ARHGEF10: variants seen among roughly 807,000 people sequenced by gnomAD.
The protein encoded by ARHGEF10 is Rho guanine nucleotide exchange factor 10.
ARHGEF10 carries 140 observed loss-of-function variants against 147.4 expected under a neutral mutation model. That is an observed-to-expected ratio of 0.95 (90% CI 0.83 to 1.09). ARHGEF10 has a LOEUF of 1.09. ARHGEF10 is among the 50% of genes least tolerant of loss of function. ARHGEF10 has a pLI of 0.00. For missense variants in ARHGEF10, 2,222 were observed against 1,752.7 expected (o/e 1.27, Z -4.78); for synonymous variants, 902 against 695.8 (o/e 1.30, Z -4.67).
Position 1,933,939 on chromosome 8 carries a change from A to G in ARHGEF10, c.3219A>G (p.Val1073=), listed in dbSNP as rs61758705. ...VFIISVETHA[V]EGQLEAHQEE... ...TCATCAGTGTGGAGACTCATGCTGT[A>G]GAGGTAAGTCACTTAGGTGGCTACA... is the stretch of plus-strand genomic sequence containing the variant. The change falls in exon 26 of 29, where the codon GTA becomes GTG. Residue 1073 remains valine, a synonymous_variant. Coordinates refer to ENST00000349830, the MANE Select transcript of ARHGEF10 (RefSeq NM_014629.4). 6.2e-5 allele frequency: 100 copies of G among 1,614,178 alleles called. 1 individual carries two copies. The South Asian group carries it at 1.1e-3, about 17-fold the overall frequency.
At chr8:1,887,702 T>G in intron 11 of ARHGEF10, among the ~76,000 whole-genome samples, 1 of 148,582 alleles carries the variant, frequency 6.7e-6, no homozygotes. Flanking sequence ...AGACAGTGAG[T>G]GGGATGAGGG....
At chr8:1,829,134 G>T (rs1356876583) in intron 1 of ARHGEF10, among the ~76,000 whole-genome samples, 1 of 152,270 alleles carries the variant, frequency 6.6e-6, no homozygotes, top group Non-Finnish European at 1.5e-5. Context: ...CGCCTGCACA[G>T]TTGCACTCAT....
In ARHGEF10 at chr8:1,957,145, C is replaced by T. The variant is rs375455536; in HGVS notation, c.3917C>T (p.Ala1306Val). The T allele has an allele frequency of 6.1e-5, 98 of 1,612,642 alleles. 1 individual carries two copies. Among genetic ancestry groups the T allele is most frequent in the African/African-American group, 9.3e-5 (7 of 74,942 alleles). Residue 1306 changes from alanine to valine, a missense_variant, in exon 29 of 29, where the codon GCG becomes GTG. By Grantham distance (64) the Ala-to-Val change is moderately conservative. Coordinates refer to ENST00000349830, the MANE Select transcript of ARHGEF10 (RefSeq NM_014629.4). Reference protein sequence around the residue: ...RRAKKAKASSALVVCGGQGHR... With the variant: ...RRAKKAKASSVLVVCGGQGHR... ...GCCAAGAAAGCCAAGGCCAGCTCGG[C>T]GCTGGTGGTCTGTGGAGGGCAGGGC... is the stretch of plus-strand genomic sequence containing the variant.
At chr8:1,857,650 C>G (rs1202641912) in intron 2 of ARHGEF10, among the ~76,000 whole-genome samples, 1 of 151,992 alleles carries the variant, frequency 6.6e-6, no homozygotes, top group African/African-American at 2.4e-5. Flanking sequence ...AAGCTTCTTA[C>G]CTTGTGATCT....
chr8:1,888,103 T>TTGAGGAGACACTTAGTGGGGCGAGGGTTC lies in ARHGEF10; in HGVS notation c.1182+2416_1182+2417insCGAGGGTTCTGAGGAGACACTTAGTGGGG, dbSNP rs1563233285. ...GGAGACACTAGGTAGGGTGAATGTT[T>TTGAGGAGACACTTAGTGGGGCGAGGGTTC]TGAGGAGACACTTAGTGGGGTGAGG... On this transcript the variant is annotated intron_variant, in intron 11 of 28. Transcript: ENST00000349830. Among the ~76,000 whole-genome samples, 21 of 106,508 alleles carry TTGAGGAGACACTTAGTGGGGCGAGGGTTC rather than the reference T, an allele frequency of 2.0e-4. 2 individuals carry two copies. The highest frequency in any genetic ancestry group is 7.7e-4 in the African/African-American group (18 of 23,296). 69.9% of individuals were successfully genotyped at this position (106,508 alleles called of 152,430 possible). A position where few individuals can be genotyped will look rare whatever the true frequency, so the allele number is the denominator to read the frequency against.
intron 1 of ARHGEF10, among the ~76,000 whole-genome samples, chr8:1,831,198 ATGGAGGGACAGTGTGTGGCAGCCG>A (rs1201100825): frequency 2.0e-5 from 3 of 151,910 alleles, no homozygotes; most frequent in Admixed American, 6.6e-5. Flanking sequence ...ATGGACATCC[ATGGAGGGACAGTGTGTGGCAGCCG>A]TGGAGGGACA....
At chr8:1,860,517 C>T (rs1216954835) in intron 4 of ARHGEF10, among the ~76,000 whole-genome samples, 4 of 152,184 alleles carry the variant, frequency 2.6e-5, no homozygotes, top group African/African-American at 9.7e-5. Context: ...CGGGCCTGAC[C>T]TTCCCCCTGC....
At chr8:1,882,312 C>T (rs1315624532) in intron 9 of ARHGEF10, among the ~76,000 whole-genome samples, 5 of 152,136 alleles carry the variant, frequency 3.3e-5, no homozygotes, top group Admixed American at 6.5e-5. Flanking sequence ...CCATTTAATT[C>T]GAGGCGAGTT....
chr8:1,866,543 G>T lies in ARHGEF10; in HGVS notation c.563G>T (p.Arg188Leu), dbSNP rs530557381. The T allele has an allele frequency of 6.2e-7, 1 of 1,610,876 alleles. No homozygotes were observed. Among genetic ancestry groups the T allele is most frequent in the South Asian group, 1.1e-5 (1 of 91,046 alleles). ...TCTTTAAGTGAAGATCAAGTCGGTCGAGAGGACAGCGCACTTGCCCGCTGG... is the reference window on the plus strand; with the variant it reads ...TCTTTAAGTGAAGATCAAGTCGGTCTAGAGGACAGCGCACTTGCCCGCTGG... ...EPPTSEDQVG[R>L]EDSALARWAA... is the part of the protein sequence containing the mutation. Residue 188 changes from arginine to leucine, a missense_variant, in exon 6 of 29, where the codon CGA becomes CTA. Arg to Leu is a moderately radical substitution (Grantham distance 102). Coordinates refer to ENST00000349830, the MANE Select transcript of ARHGEF10 (RefSeq NM_014629.4).
At chr8:1,917,197 C>A (rs1344987027) in intron 18 of ARHGEF10, among the ~76,000 whole-genome samples, 1 of 152,222 alleles carries the variant, frequency 6.6e-6, no homozygotes, top group South Asian at 2.1e-4. Flanking sequence ...CTTTTAGACT[C>A]CTGATGCATG....
Position 1,945,637 on chromosome 8 carries a change from G to C in ARHGEF10, c.3379G>C (p.Val1127Leu), listed in dbSNP as rs201082852. ...GCAGGACATCAACATCGCCACCCCTGTTCACAACATGCTGCCAGGTAAGGG... is the reference window on the plus strand; with the variant it reads ...GCAGGACATCAACATCGCCACCCCTCTTCACAACATGCTGCCAGGTAAGGG... ...HLQDINIATPVHNMLPGHQRL... is the reference protein window; with the variant it reads ...HLQDINIATPLHNMLPGHQRL... Residue 1127 changes from valine to leucine, a missense_variant, in exon 27 of 29, where the codon GTT (valine) becomes CTT (leucine). Physicochemically the swap from Val to Leu is conservative, Grantham distance 32 (BLOSUM62 1). Transcript: ENST00000349830. The C allele has an allele frequency of 8.1e-6, 13 of 1,614,078 alleles. No individual in the cohort carries two copies. Among genetic ancestry groups the C allele is most frequent in the Non-Finnish European group, 1.1e-5 (13 of 1,180,016 alleles).
chr8:1,842,483 C>T (rs926655775), intron 1 of ARHGEF10, among the ~76,000 whole-genome samples: 1 of 152,204 alleles, frequency 6.6e-6, no homozygotes, highest in African/African-American at 2.4e-5. Flanking sequence ...TGGGCATGGG[C>T]CCGCCTGGCC....
Position 1,957,349 on chromosome 8 carries a change from C to T in ARHGEF10, c.*86C>T, listed in dbSNP as rs759057206. The T allele has an allele frequency of 8.1e-5, 123 of 1,525,700 alleles. 1 individual carries two copies. Among genetic ancestry groups the T allele is most frequent in the South Asian group, 1.3e-4 (11 of 84,638 alleles). The allele number at this position is 1,525,700 out of a possible 1,614,324, so 94.5% of individuals were successfully genotyped here. ...TACAGCCTGAGTGGTTAAGCTGTGT[C>T]TACACTGGTTGGGAATAAATTAAAA... On this transcript the variant is annotated 3_prime_UTR_variant, in exon 29 of 29. Coordinates refer to ENST00000349830, the MANE Select transcript of ARHGEF10 (RefSeq NM_014629.4).
intron 7 of ARHGEF10, 93 bp downstream of exon 7, chr8:1,869,343 G>A (rs1158813927): frequency 5.6e-6 from 6 of 1,078,600 alleles, no homozygotes; most frequent in South Asian, 5.1e-5. Flanking sequence ...CGGCCCAGAC[G>A]TTTTCTGTAT....
At chr8:1,874,185 A>G (rs112369806) in intron 7 of ARHGEF10, among the ~76,000 whole-genome samples, 4 of 152,364 alleles carry the variant, frequency 2.6e-5, no homozygotes, top group African/African-American at 9.6e-5. Flanking sequence ...GACCCTTCAA[A>G]GTCCTTGGAA....
At chr8:1,908,365 G>T (rs988797223) in intron 17 of ARHGEF10, among the ~76,000 whole-genome samples, 1 of 151,444 alleles carries the variant, frequency 6.6e-6, no homozygotes, top group East Asian at 1.9e-4. Context: ...CTAGTAGCTG[G>T]GACTACAGGC....
chr8:1,850,166 A>G lies in ARHGEF10; in HGVS notation c.37+6730A>G, dbSNP rs1239769233. 1.6e-3 allele frequency among the ~76,000 whole-genome samples: 213 copies of G among 133,302 alleles called. 4 individuals are homozygous for G. Among genetic ancestry groups the G allele is most frequent in the African/African-American group, 5.8e-3 (198 of 34,174 alleles). The allele number at this position is 133,302 out of a possible 152,430, so 87.5% of individuals were successfully genotyped here. ...GGGTGTGGGGCGGCCACGTGGACACAGAGGGCAAATGCTGAGGAGGGCGTG... is the reference window on the plus strand; with the variant it reads ...GGGTGTGGGGCGGCCACGTGGACACGGAGGGCAAATGCTGAGGAGGGCGTG... On this transcript the variant is annotated intron_variant, in intron 2 of 28. Coordinates refer to ENST00000349830, the MANE Select transcript of ARHGEF10 (RefSeq NM_014629.4).
chr8:1,903,408 T>C lies in ARHGEF10; in HGVS notation c.1778T>C (p.Val593Ala). 6.2e-7 allele frequency: 1 copy of C among 1,614,216 alleles called. No individual in the cohort carries two copies. The highest frequency in any genetic ancestry group is 2.2e-5 in the East Asian group (1 of 44,880). The change falls in exon 16 of 29, where the codon GTG becomes GCG. Residue 593 changes from valine to alanine, a missense_variant. Physicochemically the swap from Val to Ala is moderately conservative, Grantham distance 64. Transcript: ENST00000349830. ...RKRDADQRCE[V>A]KQIAKAINER... ...AGAGATGCTGATCAACGCTGTGAAG[T>C]GAAGCAAATAGCCAAAGCCATAAAC... is the stretch of plus-strand genomic sequence containing the variant.
In ARHGEF10 at chr8:1,904,096, C is replaced by CA. The variant is rs773143745; in HGVS notation, c.1821+659dup. The stretch of plus-strand genomic sequence containing the variant: ...TGGGTGATGGAGCAAAACCCTGTTT[C>CA]AAAAAAAAAAAAAATTCACAAACAT... On this transcript the variant is annotated intron_variant, in intron 16 of 28. Transcript: ENST00000349830. 8.5e-3 allele frequency: 1,182 copies of CA among 139,230 alleles called. 14 individuals are homozygous for CA. Among genetic ancestry groups the CA allele is most frequent in the African/African-American group, 0.027 (1,029 of 37,986 alleles). 8.6% of individuals were successfully genotyped at this position (139,230 alleles called of 1,614,324 possible).
Sources: allele counts gnomAD v4.1 joint callset (sites outside exome capture counted in the v4.1 genomes callset), GRCh38; gene constraint gnomAD v4.1.1; transcripts MANE v1.5; gene names NCBI Gene and HGNC (gene_info 2026-07-23, HGNC 2026-07-21).